The following PIBF1 variants were observed in gnomAD, a reference collection of about 807,000 sequenced individuals.
PIBF1 encodes progesterone-induced-blocking factor 1.
A neutral mutation model predicts 112.5 loss-of-function variants in PIBF1; 90 were observed. The observed-to-expected ratio is 0.80, with a 90% CI of 0.67 to 0.95. The LOEUF is 0.95. Among genes scored for constraint, PIBF1 ranks in the 40% least tolerant of loss-of-function variants. The probability of loss-of-function intolerance (pLI) is 0.00; values close to 1 mark genes in which losing one functional copy is unlikely to be tolerated. For missense variants in PIBF1, 915 were observed against 852.3 expected (o/e 1.07, Z -0.92); for synonymous variants, 301 against 288.6 (o/e 1.04, Z -0.44).
At chr13:72,808,318 A>G (rs1054352405) in intron 5 of PIBF1, among the ~76,000 whole-genome samples, 2 of 152,182 alleles carry the variant, frequency 1.3e-5, no homozygotes, top group Non-Finnish European at 2.9e-5. Context: ...CTTGTCTGCT[A>G]ATTCCAAACA....
intron 12 of PIBF1, among the ~76,000 whole-genome samples, chr13:72,912,343 T>C (rs574595936): frequency 6.6e-6 from 1 of 151,712 alleles, no homozygotes; most frequent in East Asian, 1.9e-4. Context: ...AAAAAAAAAA[T>C]AGTCCTGTTT....
rs763283016 is a variant in PIBF1, at chr13:72,908,692, C to G, written c.1639+11C>G. On this transcript the variant is annotated intron_variant, in intron 12 of 17. Coordinates refer to ENST00000326291, the MANE Select transcript of PIBF1 (RefSeq NM_006346.4). ...TGCAAACTGCAGAAAGTAAGTCTTCCCCCACACACACATGCACAACTTTTT... is the reference window on the plus strand; with the variant it reads ...TGCAAACTGCAGAAAGTAAGTCTTCGCCCACACACACATGCACAACTTTTT... 1 of 1,601,194 alleles carries G rather than the reference C, an allele frequency of 6.2e-7. No individual in the cohort carries two copies. Among genetic ancestry groups the G allele is most frequent in the Admixed American group, 1.7e-5 (1 of 57,376 alleles).
intron 10 of PIBF1, among the ~76,000 whole-genome samples, chr13:72,878,168 A>G (rs2039486958): frequency 6.7e-6 from 1 of 148,754 alleles, no homozygotes; most frequent in Admixed American, 6.7e-5. Flanking sequence ...TTTTATCTTG[A>G]TTTTTGTGGT....
At chr13:72,879,210 G>A (rs1025696470) in intron 10 of PIBF1, among the ~76,000 whole-genome samples, 4 of 151,976 alleles carry the variant, frequency 2.6e-5, no homozygotes, top group African/African-American at 9.6e-5. Context: ...TTGGCATTAT[G>A]TTGTTGGGCA....
At chr13:72,923,112 C>G (rs536821446) in intron 13 of PIBF1, among the ~76,000 whole-genome samples, 97 of 152,276 alleles carry the variant, frequency 6.4e-4, no homozygotes, top group Non-Finnish European at 1.2e-3. Context: ...ATAAGCATGC[C>G]TCACATATTC....
intron 10 of PIBF1, among the ~76,000 whole-genome samples, chr13:72,873,001 C>A (rs760351658): frequency 8.5e-5 from 13 of 152,130 alleles, no homozygotes; most frequent in South Asian, 4.1e-4. Context: ...CTTAATTTTG[C>A]TGTAGTGTCA....
intron 17 of PIBF1, among the ~76,000 whole-genome samples, chr13:73,010,768 TAAC>T (rs567916061): frequency 2.7e-4 from 39 of 144,170 alleles, no homozygotes; most frequent in African/African-American, 9.5e-4. Flanking sequence ...TTCCTTATCT[TAAC>T]AACAAATAAA....
intron 9 of PIBF1, among the ~76,000 whole-genome samples, chr13:72,846,449 G>A (rs2037884757): frequency 2.0e-5 from 3 of 152,202 alleles, no homozygotes; most frequent in African/African-American, 7.2e-5. Flanking sequence ...CAGTCTCTTA[G>A]CACAGTTCTT....
intron 2 of PIBF1, among the ~76,000 whole-genome samples, chr13:72,787,581 C>G (rs1458182748): frequency 6.6e-6 from 1 of 152,202 alleles, no homozygotes; most frequent in African/African-American, 2.4e-5. Flanking sequence ...TGATTCAAAT[C>G]TATCTGGTAG....
At chr13:72,823,558 A>T (rs910422551) in intron 6 of PIBF1, among the ~76,000 whole-genome samples, 1 of 152,162 alleles carries the variant, frequency 6.6e-6, no homozygotes, top group African/African-American at 2.4e-5. Flanking sequence ...GGGGAAGAAA[A>T]AAAAGCCCTT....
intron 14 of PIBF1, among the ~76,000 whole-genome samples, chr13:72,934,544 A>T (rs887555700): frequency 6.6e-6 from 1 of 152,092 alleles, no homozygotes; most frequent in Non-Finnish European, 1.5e-5. Flanking sequence ...GGATCAGGTT[A>T]AATATTTAAA....
intron 9 of PIBF1, among the ~76,000 whole-genome samples, chr13:72,845,538 G>A (rs976472409): frequency 2.6e-5 from 4 of 152,018 alleles, no homozygotes; most frequent in Non-Finnish European, 5.9e-5. Flanking sequence ...CCTAGTAATG[G>A]GATTGCTGGG....
At chr13:72,790,277 C>G (rs1051102092) in intron 2 of PIBF1, among the ~76,000 whole-genome samples, 1 of 152,060 alleles carries the variant, frequency 6.6e-6, no homozygotes, top group African/African-American at 2.4e-5. Flanking sequence ...AAGTTTTTGG[C>G]TTATTTAACT....
intron 16 of PIBF1, among the ~76,000 whole-genome samples, chr13:72,981,939 C>T (rs1204095362): frequency 6.6e-6 from 1 of 152,184 alleles, no homozygotes; most frequent in Non-Finnish European, 1.5e-5. Context: ...ATTCATATCC[C>T]AGCTCTGCTA....
intron 17 of PIBF1, among the ~76,000 whole-genome samples, chr13:72,999,985 G>A (rs544575849): frequency 7.9e-5 from 12 of 151,850 alleles, no homozygotes; most frequent in Non-Finnish European, 1.5e-4. Context: ...GAGAATTGTC[G>A]GTGCGATGGC....
rs527735367 is a variant in PIBF1 at position 72,915,016 on chromosome 13, A to G, written c.1640-2060A>G. Among the ~76,000 whole-genome samples, 32 of 152,348 alleles carry G rather than the reference A, an allele frequency of 2.1e-4. 1 individual carries two copies. Among genetic ancestry groups the G allele is most frequent in the Admixed American group, 1.8e-3 (27 of 15,296 alleles). ...GATTGAAAATATTGGGGAAAAGACAATAATAAAAAATAATACATTTTTAAA... is the reference window on the plus strand; with the variant it reads ...GATTGAAAATATTGGGGAAAAGACAGTAATAAAAAATAATACATTTTTAAA... On this transcript the variant is annotated intron_variant, in intron 12 of 17. Transcript: ENST00000326291.
chr13:72,881,794 A>G (rs1186406814), intron 10 of PIBF1, among the ~76,000 whole-genome samples: 1 of 152,148 alleles, frequency 6.6e-6, no homozygotes, highest in East Asian at 1.9e-4. Flanking sequence ...GAGAACATAC[A>G]AAAGATGGAA....
chr13:72,893,917 T>G lies in PIBF1; in HGVS notation c.1456T>G (p.Leu486Val). Reference protein sequence around the residue: ...ETARNLTQCQLECEKYQKKLE... With the variant: ...ETARNLTQCQVECEKYQKKLE... Reference sequence around the variant, plus strand: ...AGCAAGAAATCTCACACAGTGTCAATTGGAATGTGAAAAATATCAGAAAAA... The same window carrying G: ...AGCAAGAAATCTCACACAGTGTCAAGTGGAATGTGAAAAATATCAGAAAAA... Residue 486 changes from leucine to valine, a missense_variant, in exon 11 of 18, where the codon TTG (leucine) becomes GTG (valine). Leu to Val is a conservative substitution (Grantham distance 32, BLOSUM62 1). Coordinates refer to ENST00000326291, the MANE Select transcript of PIBF1 (RefSeq NM_006346.4). 1 of 1,605,972 alleles carries G rather than the reference T, an allele frequency of 6.2e-7. No homozygotes were observed. Among genetic ancestry groups the G allele is most frequent in the Non-Finnish European group, 8.5e-7 (1 of 1,176,512 alleles).
intron 17 of PIBF1, 147 bp from the exon 18 acceptor site, chr13:73,015,722 G>A (rs1473909515): frequency 1.2e-5 from 4 of 343,046 alleles, no homozygotes; most frequent in East Asian, 4.4e-5. Context: ...CAAAGTCTTC[G>A]CCCTTAAGTA....
Sources: gnomAD v4.1 joint callset for allele counts (sites outside exome capture counted in the v4.1 genomes callset) on GRCh38, gnomAD v4.1.1 for gene constraint, MANE v1.5 for transcripts, NCBI Gene and HGNC (gene_info 2026-07-23, HGNC 2026-07-21) for gene names.